The following PLCB2 variants were observed in gnomAD, a reference collection of about 807,000 sequenced individuals.
PLCB2 encodes the protein 1-phosphatidylinositol 4,5-bisphosphate phosphodiesterase beta-2.
A neutral mutation model predicts 141.7 loss-of-function variants in PLCB2; 115 were observed. That is an observed-to-expected ratio of 0.81 (90% confidence interval 0.70 to 0.95). The LOEUF (loss-of-function observed/expected upper bound fraction) is 0.95, where lower values mean the gene tolerates loss of function less well. Ranked by LOEUF, PLCB2 falls within the 40% of genes least tolerant of loss-of-function variation. The pLI, the probability that PLCB2 is intolerant of heterozygous loss-of-function variation, is 0.00. For synonymous variants in PLCB2, 603 were observed against 595.6 expected, an observed-to-expected ratio of 1.01 and a Z score of -0.18; for missense variants, 1,403 against 1,541.1, an observed-to-expected ratio of 0.91 and a Z score of 1.50.
At chr15:40,290,907 C>T (rs2039862239) in intron 27 of PLCB2, 70 bp from the exon 28 acceptor site, 2 of 560,596 alleles carry the variant, frequency 3.6e-6, no homozygotes, top group Non-Finnish European at 5.8e-6. Context: ...GGGCGGGGGT[C>T]GGTGGAGGGG....
At position 40,296,617 on chromosome 15, in the gene PLCB2, C is replaced by A; in HGVS notation, c.1504G>T (p.Gly502Trp). ...GEGTVWAGEE[G>W]TELEEEEVEE... ...ACCTCCTCCTCCTCCAGCTCAGTCC[C>A]TTCCTCGCCAGCCCACACTGCCACA... The change falls in exon 15 of 32, where the codon GGG (glycine) becomes TGG (tryptophan). Residue 502 changes from glycine (G) to tryptophan (W), a missense_variant. Physicochemically the swap from Gly to Trp is radical, Grantham distance 184. This residue lies in a region of PLCB2 where 975 missense variants were observed against 1,141.1 expected (regional missense o/e 0.85). Coordinates refer to ENST00000260402, the MANE Select transcript of PLCB2 (RefSeq NM_004573.3). 1.9e-6 allele frequency: 3 copies of A among 1,613,344 alleles called. No individual in the cohort carries two copies. Among genetic ancestry groups the A allele is most frequent in the Middle Eastern group, 1.7e-4 (1 of 6,058 alleles).
Position 40,291,336 on chromosome 15 carries a change from C to G in PLCB2, c.2799G>C (p.Glu933Asp), listed in dbSNP as rs1450720601. ...LLQRGAAQLA[E>D]LGPPGVGGVG... ...CGCCCCCCACGCCCGGTGGCCCGAG[C>G]TCCGCCAGCTGCGCCGCGCCCCGCT... Residue 933 changes from glutamate (E) to aspartate (D), a missense_variant, in exon 26 of 32, where the codon GAG becomes GAC. Physicochemically the swap from Glu to Asp is conservative, Grantham distance 45. Coordinates refer to ENST00000260402, the MANE Select transcript of PLCB2 (RefSeq NM_004573.3). 1 of 1,529,246 alleles carries G rather than the reference C, an allele frequency of 6.5e-7. No homozygotes were observed. Among genetic ancestry groups the G allele is most frequent in the Non-Finnish European group, 8.7e-7 (1 of 1,145,398 alleles). The allele number at this position is 1,529,246 out of a possible 1,614,324, so 94.7% of individuals were successfully genotyped here.
rs772588004 is a variant in PLCB2, at chr15:40,298,266, AT to A, written c.1111del (p.Ile371LeufsTer8). The A allele has an allele frequency of 6.3e-7, 1 of 1,595,740 alleles. No individual in the cohort carries two copies. Among genetic ancestry groups the A allele is most frequent in the South Asian group, 1.1e-5 (1 of 88,870 alleles). ...GGTCATGGTGAAGCCATGGGTGATAATGGGCTCCTCGTCAGGGGGTTTCCCC... is the reference window on the plus strand; with the variant it reads ...GGTCATGGTGAAGCCATGGGTGATAAGGGCTCCTCGTCAGGGGGTTTCCCC... Reference protein sequence around the residue: ...WKGKPPDEEPIITHGFTMTTD... With the variant: ...WKGKPPDEEPXITHGFTMTTD... On this transcript the variant is annotated frameshift_variant, in exon 11 of 32. Coordinates refer to ENST00000260402, the MANE Select transcript of PLCB2 (RefSeq NM_004573.3). LOFTEE classifies it high-confidence loss of function.
In PLCB2 at chr15:40,297,909, G is replaced by A; in HGVS notation, c.1206C>T (p.Pro402=). The change falls in exon 12 of 32, where the codon CCC becomes CCT. Residue 402 remains proline, a synonymous_variant. Coordinates refer to ENST00000260402, the MANE Select transcript of PLCB2 (RefSeq NM_004573.3). This position sits in a 1 kb window ranked among gnomAD's most constrained non-coding sequence, Gnocchi z 4.2. The part of the protein sequence containing the change: ...AESAFKTSPY[P]IILSFENHVD... ...CATGGTTCTCAAACGACAGGATGATGGGATAGGGGGAGGTCTTAAAGGCGC... is the reference window on the plus strand; with the variant it reads ...CATGGTTCTCAAACGACAGGATGATAGGATAGGGGGAGGTCTTAAAGGCGC... 6.2e-7 allele frequency: 1 copy of A among 1,613,686 alleles called. No homozygotes were observed. Among genetic ancestry groups the A allele is most frequent in the Non-Finnish European group, 8.5e-7 (1 of 1,179,608 alleles).
chr15:40,290,121 C>G, intron 29 of PLCB2, 39 bp from the exon 30 acceptor site: 1 of 1,280,134 alleles, frequency 7.8e-7, no homozygotes, highest in South Asian at 1.2e-5. Flanking sequence ...GGGAGAAAAC[C>G]CCTAGGGAGA....
chr15:40,292,520 A>C, intron 21 of PLCB2, 77 bp from the exon 22 acceptor site: 1 of 995,418 alleles, frequency 1.0e-6, no homozygotes, highest in Non-Finnish European at 1.5e-6. Flanking sequence ...CTAGGACCCA[A>C]GGGTCTGAGT....
chr15:40,301,573 C>G (rs1372794712), intron 7 of PLCB2: 6 of 702,906 alleles, frequency 8.5e-6, no homozygotes, highest in Non-Finnish European at 1.6e-5. Context: ...CTGCAGACTG[C>G]CGCCTGCCAC....
In PLCB2 at chr15:40,302,553, C is replaced by T; in HGVS notation, c.288G>A (p.Leu96=). 7 of 1,614,214 alleles carry T rather than the reference C, an allele frequency of 4.3e-6. No homozygotes were observed. The highest frequency in any genetic ancestry group is 5.9e-6 in the Non-Finnish European group (7 of 1,180,024). The part of the protein sequence containing the change: ...NMDFPDNSFL[L]KTLTVVSGPD... ...GGCCGGACACCACCGTGAGTGTCTT[C>T]AGCAGGAAACTGTTATCAGGAAAGT... The change falls in exon 4 of 32, where the codon CTG becomes CTA. Residue 96 remains leucine (L), a synonymous_variant. Coordinates refer to ENST00000260402, the MANE Select transcript of PLCB2 (RefSeq NM_004573.3).
chr15:40,294,214 C>G (rs1406214475), intron 19 of PLCB2, 52 bp downstream of exon 19: 1 of 1,589,328 alleles, frequency 6.3e-7, no homozygotes, highest in Non-Finnish European at 8.6e-7. Flanking sequence ...CTCCTGTGCC[C>G]TTCTACTCAA....
In PLCB2 at chr15:40,291,876, A is replaced by G. The variant is rs768381094; in HGVS notation, c.2575T>C (p.Leu859=). 9 of 1,613,982 alleles carry G rather than the reference A, an allele frequency of 5.6e-6. No individual in the cohort carries two copies. Among genetic ancestry groups the G allele is most frequent in the Non-Finnish European group, 7.6e-6 (9 of 1,179,952 alleles). Residue 859 remains leucine (L), a synonymous_variant, in exon 24 of 32, where the codon TTG becomes CTG. Coordinates refer to ENST00000260402, the MANE Select transcript of PLCB2 (RefSeq NM_004573.3). ...GGTGACCCATTGCTCGTTGGGGCCA[A>G]CGCCCCATTGACCTGGCTGGCAACT... ...SPVASQVNGA[L]APTSNGSPAA...
intron 7 of PLCB2, 47 bp from the exon 8 acceptor site, chr15:40,299,275 C>G: frequency 1.5e-6 from 2 of 1,331,310 alleles, no homozygotes; most frequent in Non-Finnish European, 2.2e-6. Context: ...CTTCTCAGAG[C>G]TAAGAACCAC....
In PLCB2 at chr15:40,296,640, A is replaced by C; in HGVS notation, c.1487-6T>G. On this transcript the variant is annotated splice_polypyrimidine_tract_variant and splice_region_variant and intron_variant, in intron 14 of 31. Coordinates refer to ENST00000260402, the MANE Select transcript of PLCB2 (RefSeq NM_004573.3). ...CCCTTCCTCGCCAGCCCACACTGCCACATACAGCTCTGTCGGCACTGGCTC... is the reference window on the plus strand; with the variant it reads ...CCCTTCCTCGCCAGCCCACACTGCCCCATACAGCTCTGTCGGCACTGGCTC... 1 of 1,612,920 alleles carries C rather than the reference A, an allele frequency of 6.2e-7. No homozygotes were observed. Among genetic ancestry groups the C allele is most frequent in the Non-Finnish European group, 8.5e-7 (1 of 1,179,736 alleles).
chr15:40,293,766 C>T, intron 19 of PLCB2, 42 bp from the exon 20 acceptor site: 1 of 1,592,630 alleles, frequency 6.3e-7, no homozygotes, highest in Non-Finnish European at 8.6e-7. Flanking sequence ...AAATCCCCAC[C>T]CAGGCTCTTC....
Position 40,291,122 on chromosome 15 carries a change from C to T in PLCB2, c.2932G>A (p.Gly978Arg), listed in dbSNP as rs756996716. The change falls in exon 27 of 32, where the codon GGG (glycine) becomes AGG (arginine). Residue 978 changes from glycine to arginine, a missense_variant. By Grantham distance (125) the Gly-to-Arg change is moderately radical. Around this residue, in one of 4 missense-constraint regions of PLCB2, gnomAD observed 290 missense variants for 245.9 expected, o/e 1.18. Transcript: ENST00000260402. ...CTGTCTTTCAGCTCCCGCACGCGCC[C>T]GTCCACGCCCTCAGGGCCCTCGCCC... Reference protein sequence around the residue: ...APGEGPEGVDGRVRELKDRLE... With the variant: ...APGEGPEGVDRRVRELKDRLE... 6.3e-7 allele frequency: 1 copy of T among 1,577,948 alleles called. No homozygotes were observed. The highest frequency in any genetic ancestry group is 8.5e-7 in the Non-Finnish European group (1 of 1,169,972).
intron 19 of PLCB2, 91 bp from the exon 20 acceptor site, chr15:40,293,815 C>G (rs2040056830): frequency 2.3e-6 from 3 of 1,331,462 alleles, no homozygotes; most frequent in East Asian, 4.7e-5. Flanking sequence ...AGAGCTGAAG[C>G]ATTCGTTCTT....
chr15:40,291,581 G>A (rs2039931749), intron 25 of PLCB2, 25 bp downstream of exon 25: 2 of 1,612,938 alleles, frequency 1.2e-6, no homozygotes, highest in South Asian at 1.1e-5. Context: ...TCATCCCCGA[G>A]ATCACCGGGC....
chr15:40,303,396 G>T, intron 2 of PLCB2, 40 bp from the exon 3 acceptor site: 3 of 1,446,724 alleles, frequency 2.1e-6, no homozygotes, highest in Non-Finnish European at 2.9e-6. Context: ...GCAAAGAAGG[G>T]ATGTGGGACA....
At chr15:40,292,808 C>T in intron 21 of PLCB2, 118 bp downstream of exon 21, 2 of 659,622 alleles carry the variant, frequency 3.0e-6, no homozygotes, top group Non-Finnish European at 5.4e-6. Flanking sequence ...CTGCCCTACT[C>T]CTTACAATGT....
Position 40,294,955 on chromosome 15 carries a change from G to A in PLCB2, c.1887C>T (p.Ala629=). The change falls in exon 18 of 32, where the codon GCC becomes GCT. Residue 629 remains alanine, a synonymous_variant. Transcript: ENST00000260402. The stretch of plus-strand genomic sequence containing the variant: ...CCTCACCCATCGTCTGGAAGTTGAG[G>A]GCAACCATCTGGCATCCAGCATTCC... The part of the protein sequence containing the change: ...MFWNAGCQMV[A]LNFQTMDLPM... 6.2e-7 allele frequency: 1 copy of A among 1,614,088 alleles called. No homozygotes were observed. Among genetic ancestry groups the A allele is most frequent in the African/African-American group, 1.3e-5 (1 of 75,018 alleles).
Sources: gnomAD v4.1 joint callset for allele counts on GRCh38, gnomAD v4.1.1 for gene constraint, gnomAD v4.1.1 regional missense constraint, Gnocchi (gnomAD v3.1) non-coding constraint, MANE v1.5 for transcripts, NCBI Gene and HGNC (gene_info 2026-07-23, HGNC 2026-07-21) for gene names.